IL1RAPL2: variants seen among roughly 807,000 people sequenced by gnomAD.
IL1RAPL2 encodes interleukin 1 receptor accessory protein like 2.
Under a neutral mutation model 44.1 loss-of-function variants are expected in IL1RAPL2, and 3 were observed. The observed-to-expected ratio is 0.07, with a 90% confidence interval of 0.03 to 0.18. The LOEUF is 0.18. Among genes scored for constraint, IL1RAPL2 ranks in the 10% least tolerant of loss-of-function variants. The probability of loss-of-function intolerance (pLI) is 1.00; values close to 1 mark genes in which losing one functional copy is unlikely to be tolerated. For synonymous variants in IL1RAPL2, 181 were observed against 178.8 expected (o/e 1.01, Z -0.10); for missense variants, 391 against 496.4 (o/e 0.79, Z 2.02).
rs575608120 is a variant in IL1RAPL2, at chrX:105,384,184, C to A, written c.698-100129C>A. Among the ~76,000 whole-genome samples the A allele has an allele frequency of 3.9e-4, 43 of 111,607 alleles. No homozygotes were observed. The South Asian group carries it at 0.016, about 40-fold the overall frequency. On this transcript the variant is annotated intron_variant, in intron 5 of 10. Transcript: ENST00000372582. ...AGGTCTTACTCAGGAATTCCTTTCCCAGACCAATGTCCTGAAGCATTTCCC... is the reference window on the plus strand; with the variant it reads ...AGGTCTTACTCAGGAATTCCTTTCCAAGACCAATGTCCTGAAGCATTTCCC...
At chrX:105,132,548 T>A (rs2033038431) in intron 2 of IL1RAPL2, among the ~76,000 whole-genome samples, 1 of 111,411 alleles carries the variant, frequency 9.0e-6, no homozygotes, top group Non-Finnish European at 1.9e-5. Context: ...ACTGCCCAGC[T>A]TTTGGATAAC....
chrX:105,560,511 C>T (rs1027720764), intron 6 of IL1RAPL2, among the ~76,000 whole-genome samples: 130 of 111,151 alleles, frequency 1.2e-3, no homozygotes, highest in Non-Finnish European at 1.9e-3. Context: ...CTCTGCCACC[C>T]GGGTTCAAGT....
intron 5 of IL1RAPL2, among the ~76,000 whole-genome samples, chrX:105,474,128 C>G (rs2036182857): frequency 9.0e-6 from 1 of 111,518 alleles, no homozygotes; most frequent in East Asian, 2.8e-4. Flanking sequence ...AATGAAATCA[C>G]AGGTTTCCTT....
At position 105,251,790 on chromosome X, in the gene IL1RAPL2, A is replaced by G. The variant is rs777609258; in HGVS notation, c.544-15598A>G. Among the ~76,000 whole-genome samples, 9 of 110,242 alleles carry G rather than the reference A, an allele frequency of 8.2e-5. No individual in the cohort carries two copies. The South Asian group carries it at 3.4e-3, about 42-fold the overall frequency. ...TATATGTAATTAATAGCTGTTATAT[A>G]CCCTAGACATGTTATAAAAGTTTAA... On this transcript the variant is annotated intron_variant, in intron 4 of 10. Coordinates refer to ENST00000372582, the MANE Select transcript of IL1RAPL2 (RefSeq NM_017416.2).
intron 1 of IL1RAPL2, among the ~76,000 whole-genome samples, chrX:104,608,770 T>C: frequency 9.5e-6 from 1 of 105,666 alleles, no homozygotes; most frequent in African/African-American, 3.5e-5. Context: ...GTCTCCTGAA[T>C]ACAGCACACT....
chrX:105,458,571 G>A (rs1363107818), intron 5 of IL1RAPL2, among the ~76,000 whole-genome samples: 1 of 111,196 alleles, frequency 9.0e-6, no homozygotes, highest in South Asian at 3.7e-4. Flanking sequence ...GTCTCTTCTG[G>A]GCCAAGTATA....
intron 2 of IL1RAPL2, among the ~76,000 whole-genome samples, chrX:105,037,349 C>A (rs1279356152): frequency 9.0e-6 from 1 of 110,804 alleles, no homozygotes; most frequent in Non-Finnish European, 1.9e-5. Flanking sequence ...TGGGCCTCAA[C>A]AGAGTGAAGT....
At chrX:105,231,619 G>C (rs2034071738) in intron 3 of IL1RAPL2, among the ~76,000 whole-genome samples, 1 of 112,202 alleles carries the variant, frequency 8.9e-6, no homozygotes, top group Non-Finnish European at 1.9e-5. Flanking sequence ...ATTAACAAGA[G>C]CAACAAATTC....
At chrX:104,964,664 T>C (rs1160437453) in intron 2 of IL1RAPL2, among the ~76,000 whole-genome samples, 1 of 111,021 alleles carries the variant, frequency 9.0e-6, no homozygotes, top group Non-Finnish European at 1.9e-5. Context: ...TGCCCCTCTC[T>C]CTATCCGAAT....
At chrX:105,379,665 T>G (rs1399017600) in intron 5 of IL1RAPL2, among the ~76,000 whole-genome samples, 3 of 111,683 alleles carry the variant, frequency 2.7e-5, no homozygotes, top group Non-Finnish European at 5.7e-5. Flanking sequence ...GGTAGAACCT[T>G]GTACAGTCAC....
intron 5 of IL1RAPL2, among the ~76,000 whole-genome samples, chrX:105,457,033 T>TACACACACACACAC (rs58305468): frequency 1.6e-4 from 14 of 85,327 alleles, no homozygotes; most frequent in African/African-American, 5.3e-4. Context: ...TCTAAAGTTA[T>TACACACACACACAC]ACACACACAC....
chrX:105,318,011 CG>C (rs2034860380), intron 5 of IL1RAPL2, among the ~76,000 whole-genome samples: 1 of 106,420 alleles, frequency 9.4e-6, no homozygotes, highest in Non-Finnish European at 1.9e-5. Flanking sequence ...CTCGCTCTGT[CG>C]CCCAGGCTGG....
chrX:105,065,629 G>A lies in IL1RAPL2; in HGVS notation c.83-129846G>A, dbSNP rs190647790. Among the ~76,000 whole-genome samples, 264 of 111,911 alleles carry A rather than the reference G, an allele frequency of 2.4e-3. 1 individual carries two copies. The highest frequency in any genetic ancestry group is 3.4e-3 in the African/African-American group (105 of 30,850). On this transcript the variant is annotated intron_variant, in intron 2 of 10. Transcript: ENST00000372582. ...ATGAGTATGAAGAACATTGCAAAAC[G>A]TACAAAATATTTTCAGTGTTCAAAT...
chrX:105,053,043 TC>T (rs1476103941), intron 2 of IL1RAPL2, among the ~76,000 whole-genome samples: 3 of 110,575 alleles, frequency 2.7e-5, no homozygotes, highest in Non-Finnish European at 3.8e-5. Flanking sequence ...AATGCAGAAA[TC>T]ACCTGCCTTC....
chrX:104,787,319 G>C (rs766538631), intron 2 of IL1RAPL2, among the ~76,000 whole-genome samples: 1 of 111,751 alleles, frequency 8.9e-6, no homozygotes, highest in South Asian at 3.8e-4. Flanking sequence ...TTTGAGAGGT[G>C]ACGCTTCCCA....
intron 2 of IL1RAPL2, among the ~76,000 whole-genome samples, chrX:105,136,421 G>A (rs995019128): frequency 4.5e-5 from 5 of 112,166 alleles, no homozygotes; most frequent in Non-Finnish European, 7.5e-5. Flanking sequence ...ACAAAGGCAC[G>A]TGTAAATGTG....
rs367897051 is a variant in IL1RAPL2, at chrX:105,113,228, C to G, written c.83-82247C>G. ...ATCTACCTTGAATGAGCACAGCTAT[C>G]CCCCTGGGGAGTTCCATTAAGGATA... On this transcript the variant is annotated intron_variant, in intron 2 of 10. Coordinates refer to ENST00000372582, the MANE Select transcript of IL1RAPL2 (RefSeq NM_017416.2). 6.4e-4 allele frequency among the ~76,000 whole-genome samples: 72 copies of G among 112,516 alleles called. No homozygotes were observed. The South Asian group carries it at 0.026, about 41-fold the overall frequency.
rs1292109832 is a variant in IL1RAPL2, at chrX:105,740,600, C to T, written c.957C>T (p.Asp319=). The change falls in exon 8 of 11, where the codon GAC becomes GAT. Residue 319 remains aspartate (D), a synonymous_variant. Coordinates refer to ENST00000372582, the MANE Select transcript of IL1RAPL2 (RefSeq NM_017416.2). ...EKEVELALIF[D]SVVEADLANY... is the part of the protein sequence containing the mutation. ...AAGTTGAATTGGCACTCATCTTTGA[C>T]TCAGTTGTGGAAGCTGACCTGGCGA... is the stretch of plus-strand genomic sequence containing the variant. 1 of 1,208,442 alleles carries T rather than the reference C, an allele frequency of 8.3e-7. No individual in the cohort carries two copies. The highest frequency in any genetic ancestry group is 1.1e-6 in the Non-Finnish European group (1 of 892,746).
intron 3 of IL1RAPL2, among the ~76,000 whole-genome samples, chrX:105,217,870 T>TCACTCATAAGTGTG (rs1298133434): frequency 3.6e-5 from 4 of 111,689 alleles, no homozygotes; most frequent in Non-Finnish European, 7.5e-5. Context: ...CTGCATATTC[T>TCACTCATAAGTGTG]CACTCATAAG....
Sources: allele counts gnomAD v4.1 joint callset (sites outside exome capture counted in the v4.1 genomes callset), GRCh38; gene constraint gnomAD v4.1.1; transcripts MANE v1.5; gene names NCBI Gene and HGNC (gene_info 2026-07-23, HGNC 2026-07-21).